MIDEAS: variants seen among roughly 807,000 people sequenced by gnomAD.
MIDEAS encodes the protein mitotic deacetylase-associated SANT domain protein.
A neutral mutation model predicts 102.7 loss-of-function variants in MIDEAS; 26 were observed. The observed-to-expected ratio is 0.25, with a 90% CI of 0.19 to 0.35. The LOEUF (loss-of-function observed/expected upper bound fraction) is 0.35. Among genes scored for constraint, MIDEAS ranks in the 10% least tolerant of loss-of-function variants. The pLI, the probability that MIDEAS is intolerant of heterozygous loss-of-function variation, is 1.00. For missense variants in MIDEAS, 1,231 were observed against 1,435.6 expected (o/e 0.86, Z 2.30); for synonymous variants, 585 against 591.0 (o/e 0.99, Z 0.15).
At chr14:73,722,192 A>G (rs2053004141) in intron 10 of MIDEAS, among the ~76,000 whole-genome samples, 1 of 152,100 alleles carries the variant, frequency 6.6e-6, no homozygotes, top group Non-Finnish European at 1.5e-5. Context: ...TTTCACATAT[A>G]TTTTTACCAG....
chr14:73,773,597 C>T (rs2053661551), intron 1 of MIDEAS, among the ~76,000 whole-genome samples: 1 of 151,946 alleles, frequency 6.6e-6, no homozygotes. Context: ...CTGGAAATAC[C>T]ATGTGCTTCT....
At chr14:73,786,210 C>A (rs1027067821) in intron 1 of MIDEAS, among the ~76,000 whole-genome samples, 3 of 152,210 alleles carry the variant, frequency 2.0e-5, no homozygotes, top group African/African-American at 7.2e-5. Flanking sequence ...GGGCCGCCAG[C>A]CCCTAGTTAC....
At chr14:73,749,882 A>G (rs2053399986) in intron 1 of MIDEAS, among the ~76,000 whole-genome samples, 1 of 152,194 alleles carries the variant, frequency 6.6e-6, no homozygotes, top group African/African-American at 2.4e-5. Context: ...CGCAGAGCTC[A>G]GACTTGCAAA....
intron 1 of MIDEAS, among the ~76,000 whole-genome samples, chr14:73,745,706 C>T (rs1156650494): frequency 6.6e-6 from 1 of 152,252 alleles, no homozygotes; most frequent in African/African-American, 2.4e-5. Flanking sequence ...ACATGCACCC[C>T]CACCAACTGG....
chr14:73,745,979 G>C (rs1161105814), intron 1 of MIDEAS, among the ~76,000 whole-genome samples: 4 of 152,224 alleles, frequency 2.6e-5, no homozygotes, highest in Non-Finnish European at 5.9e-5. Context: ...ACAGGCCAGA[G>C]AGTCACGAGT....
chr14:73,754,757 C>T (rs1355441588), intron 1 of MIDEAS: 1 of 152,152 alleles, frequency 6.6e-6, no homozygotes, highest in Admixed American at 6.5e-5. Flanking sequence ...CATGCCGTCT[C>T]GGGGTTGCAA....
Position 73,742,820 on chromosome 14 carries a change from T to C in MIDEAS, c.-247-2565A>G, listed in dbSNP as rs910069448. ...TGGGGGTGGGGAGAAGAGTGGAAGA[T>C]ACTGGCAGCCTGGGAGGAAGGGTGA... On this transcript the variant is annotated intron_variant, in intron 1 of 12. Transcript: ENST00000423556. The surrounding 1 kb of genome is among the most constrained non-coding windows in gnomAD (Gnocchi z 4.4). Among the ~76,000 whole-genome samples, 1 of 151,952 alleles carries C rather than the reference T, an allele frequency of 6.6e-6. No individual in the cohort carries two copies. The highest frequency in any genetic ancestry group is 1.5e-5 in the Non-Finnish European group (1 of 67,962).
In MIDEAS at chr14:73,725,542, T is replaced by TA. The variant is rs2053049678; in HGVS notation, c.2486-183dup. On this transcript the variant is annotated intron_variant, in intron 8 of 12. Coordinates refer to ENST00000423556, the MANE Select transcript of MIDEAS (RefSeq NM_001367710.1). The surrounding 1 kb of genome is among the most constrained non-coding windows in gnomAD (Gnocchi z 4.1). Reference sequence around the variant, plus strand: ...GCTCCCTTGCTTGTGAAATGGAAACTAATATCACCTAGCTCACCAGCTGTG... The same window carrying TA: ...GCTCCCTTGCTTGTGAAATGGAAACTAAATATCACCTAGCTCACCAGCTGTG... Among the ~76,000 whole-genome samples, 1 of 152,208 alleles carries TA rather than the reference T, an allele frequency of 6.6e-6. No homozygotes were observed.
chr14:73,782,378 T>C (rs1232028288), intron 1 of MIDEAS, among the ~76,000 whole-genome samples: 1 of 152,128 alleles, frequency 6.6e-6, no homozygotes, highest in Non-Finnish European at 1.5e-5. Flanking sequence ...TATATAGATA[T>C]ATGAAGAGAG....
At chr14:73,756,490 C>A (rs2053486208) in intron 1 of MIDEAS, among the ~76,000 whole-genome samples, 1 of 152,186 alleles carries the variant, frequency 6.6e-6, no homozygotes, top group African/African-American at 2.4e-5. Flanking sequence ...TCCACCCTAG[C>A]CCCGGCCCAG....
rs769284839 is a variant in MIDEAS at position 73,739,862 on chromosome 14, G to C, written c.147C>G (p.His49Gln). 4 of 1,592,948 alleles carry C rather than the reference G, an allele frequency of 2.5e-6. No individual in the cohort carries two copies. Among genetic ancestry groups the C allele is most frequent in the African/African-American group, 1.3e-5 (1 of 74,396 alleles). Residue 49 changes from histidine (H) to glutamine (Q), a missense_variant, in exon 2 of 13, where the codon CAC (histidine) becomes CAG (glutamine). Physicochemically the swap from His to Gln is conservative, Grantham distance 24. Transcript: ENST00000423556. Reference sequence around the variant, plus strand: ...TGGAGACTGCCCCTCCTGGACCCTCGTGCCCGAGGTACTGCTCCTCCTTCA... The same window carrying C: ...TGGAGACTGCCCCTCCTGGACCCTCCTGCCCGAGGTACTGCTCCTCCTTCA... ...IRVKEEQYLG[H>Q]EGPGGAVSTS...
Position 73,729,905 on chromosome 14 carries a change from G to A in MIDEAS, c.1830C>T (p.Ile610=). The change falls in exon 4 of 13, where the codon ATC becomes ATT. Residue 610 remains isoleucine (I), a synonymous_variant. Coordinates refer to ENST00000423556, the MANE Select transcript of MIDEAS (RefSeq NM_001367710.1). The part of the protein sequence containing the change: ...PKQRPRPEPL[I]IPTKAGTFIA... ...TGAAAGTGCCCGCCTTGGTGGGGAT[G>A]ATGAGGGGCTCGGGCCTGGGCCGCT... 3.1e-6 allele frequency: 5 copies of A among 1,612,642 alleles called. No individual in the cohort carries two copies. Among genetic ancestry groups the A allele is most frequent in the Non-Finnish European group, 3.4e-6 (4 of 1,179,030 alleles).
intron 1 of MIDEAS, among the ~76,000 whole-genome samples, chr14:73,745,875 AG>A (rs2140134984): frequency 6.6e-6 from 1 of 152,364 alleles, no homozygotes; most frequent in African/African-American, 2.4e-5. Flanking sequence ...AGCAGGCAAG[AG>A]GCCCTATGGT....
At chr14:73,780,321 G>A (rs982492175) in intron 1 of MIDEAS, among the ~76,000 whole-genome samples, 6 of 152,178 alleles carry the variant, frequency 3.9e-5, no homozygotes, top group Non-Finnish European at 8.8e-5. Flanking sequence ...TAGAGGTGAT[G>A]GAAAGGGTCA....
intron 1 of MIDEAS, among the ~76,000 whole-genome samples, chr14:73,786,257 A>T (rs1595306614): frequency 6.6e-6 from 1 of 152,176 alleles, no homozygotes; most frequent in East Asian, 1.9e-4. Flanking sequence ...GCTGTTCTTT[A>T]AAAAACCCTG....
chr14:73,721,728 G>A (rs951392622), intron 10 of MIDEAS: 3 of 537,078 alleles, frequency 5.6e-6, no homozygotes, highest in Non-Finnish European at 6.7e-6. Context: ...GAGAGAGAAC[G>A]AGGGGCAAGG....
At chr14:73,749,452 C>T (rs2140140298) in intron 1 of MIDEAS, among the ~76,000 whole-genome samples, 1 of 151,288 alleles carries the variant, frequency 6.6e-6, no homozygotes, top group South Asian at 2.1e-4. Flanking sequence ...AGGAGGATTG[C>T]TCGGGCCCAG....
At chr14:73,721,245 G>A in intron 11 of MIDEAS, 52 bp downstream of exon 11, 2 of 1,575,522 alleles carry the variant, frequency 1.3e-6, no homozygotes, top group Admixed American at 1.7e-5. Flanking sequence ...ACGCCCCCAG[G>A]CCCAGCTCCA....
chr14:73,760,678 C>T (rs1342021137), upstream of MIDEAS, among the ~76,000 whole-genome samples: 2 of 152,198 alleles, frequency 1.3e-5, no homozygotes, highest in Admixed American at 6.5e-5. This position sits in a 1 kb window ranked among gnomAD's most constrained non-coding sequence, Gnocchi z 4.8. Flanking sequence ...CAATCCTCTC[C>T]ATGGCATTTT....
Sources: gnomAD v4.1 joint callset for allele counts (sites outside exome capture counted in the v4.1 genomes callset) on GRCh38, gnomAD v4.1.1 for gene constraint, Gnocchi (gnomAD v3.1) non-coding constraint, MANE v1.5 for transcripts, NCBI Gene and HGNC (gene_info 2026-07-23, HGNC 2026-07-21) for gene names.